The following TNR variants were observed in gnomAD, a reference collection of about 807,000 sequenced individuals.
TNR encodes the protein tenascin R, also known as tenascin-R.
In TNR, 45 loss-of-function variants were observed where a neutral mutation model predicts 150.4. The observed-to-expected ratio is 0.30, with a 90% CI of 0.24 to 0.38. The LOEUF (loss-of-function observed/expected upper bound fraction) is 0.38. Among genes scored for constraint, TNR ranks in the 10% least tolerant of loss-of-function variants. The pLI, the probability that TNR is intolerant of heterozygous loss-of-function variation, is 1.00. For missense variants in TNR, 1,544 were observed against 1,759.1 expected, an observed-to-expected ratio of 0.88 and a Z score of 2.19; for synonymous variants, 687 against 678.4, an observed-to-expected ratio of 1.01 and a Z score of -0.20.
intron 1 of TNR, among the ~76,000 whole-genome samples, chr1:175,552,454 T>C (rs576493820): frequency 6.6e-6 from 1 of 152,346 alleles, no homozygotes; most frequent in Non-Finnish European, 1.5e-5. Flanking sequence ...CTTGCACATA[T>C]GTTATCTCGT....
intron 1 of TNR, among the ~76,000 whole-genome samples, chr1:175,531,364 A>G (rs1414726851): frequency 6.6e-6 from 1 of 152,334 alleles, no homozygotes; most frequent in African/African-American, 2.4e-5. Flanking sequence ...GCCTTATCTT[A>G]AGATAGATTC....
At chr1:175,719,333 A>G (rs550532014) in intron 1 of TNR, among the ~76,000 whole-genome samples, 38 of 152,232 alleles carry the variant, frequency 2.5e-4, no homozygotes, top group African/African-American at 9.1e-4. Flanking sequence ...CCCCTCCCCC[A>G]TCCACACACT....
At chr1:175,580,943 G>A (rs979391739) in intron 1 of TNR, among the ~76,000 whole-genome samples, 1 of 152,090 alleles carries the variant, frequency 6.6e-6, no homozygotes, top group African/African-American at 2.4e-5. Flanking sequence ...GTGGGGGATG[G>A]GGGTCTCTGC....
chr1:175,422,238 C>T (rs1247481258), intron 2 of TNR, among the ~76,000 whole-genome samples: 1 of 152,236 alleles, frequency 6.6e-6, no homozygotes. Flanking sequence ...CTTGTTTTTA[C>T]ACTTATCACA....
chr1:175,345,109 A>C (rs182159862), intron 18 of TNR, among the ~76,000 whole-genome samples: 10 of 152,290 alleles, frequency 6.6e-5, no homozygotes, highest in Admixed American at 3.9e-4. Flanking sequence ...CTCTGTCAAA[A>C]AAACAAACAA....
Position 175,720,146 on chromosome 1 carries a change from C to T in TNR, c.-165+23080G>A, listed in dbSNP as rs181647437. Among the ~76,000 whole-genome samples the T allele has an allele frequency of 4.1e-3, 629 of 152,264 alleles. 7 individuals carry two copies. The highest frequency in any genetic ancestry group is 8.0e-3 in the Admixed American group (122 of 15,296). On this transcript the variant is annotated intron_variant, in intron 1 of 22. Transcript: ENST00000367674. ...CAGTGTGACAATTTGGAGATAGGGT[C>T]CTTATGGAAGTAATTAAGGTTAAAT...
At chr1:175,701,889 A>G (rs1666707935) in intron 1 of TNR, among the ~76,000 whole-genome samples, 1 of 152,070 alleles carries the variant, frequency 6.6e-6, no homozygotes, top group African/African-American at 2.4e-5. Flanking sequence ...TATAAGAAGA[A>G]CCAATTAGAG....
rs775039487 is a variant in TNR, at chr1:175,346,008, G to A, written c.3383-8329C>T. Among the ~76,000 whole-genome samples the A allele has an allele frequency of 3.5e-4, 53 of 152,278 alleles. 1 individual carries two copies. Among genetic ancestry groups the A allele is most frequent in the Middle Eastern group, 6.8e-3 (2 of 294 alleles). ...TTCTCAATGGCAACACTGCATTTGA[G>A]AAGATAATGGAATAGTATTTTTAAA... On this transcript the variant is annotated intron_variant, in intron 18 of 22. Coordinates refer to ENST00000367674, the MANE Select transcript of TNR (RefSeq NM_003285.3).
intron 1 of TNR, among the ~76,000 whole-genome samples, chr1:175,631,487 AT>A (rs997705252): frequency 5.3e-5 from 8 of 151,178 alleles, no homozygotes; most frequent in Non-Finnish European, 1.0e-4. Flanking sequence ...TTCTTTGGTG[AT>A]TTTTTTTTAG....
intron 1 of TNR, among the ~76,000 whole-genome samples, chr1:175,737,129 T>A (rs959479192): frequency 1.3e-5 from 2 of 152,226 alleles, no homozygotes; most frequent in South Asian, 4.1e-4. Flanking sequence ...ACCTACTAGC[T>A]GTGTGGCCTT....
intron 1 of TNR, among the ~76,000 whole-genome samples, chr1:175,552,203 C>A (rs1339534502): frequency 6.6e-6 from 1 of 152,202 alleles, no homozygotes; most frequent in Non-Finnish European, 1.5e-5. Flanking sequence ...CTAATTTACA[C>A]AGTACCTTGA....
At chr1:175,330,358 T>A in intron 20 of TNR, 123 bp from the exon 21 acceptor site, 1 of 1,039,222 alleles carries the variant, frequency 9.6e-7, no homozygotes, top group Non-Finnish European at 1.3e-6. Flanking sequence ...AGATTGCTTT[T>A]GCTCTTGGTG....
chr1:175,518,173 G>A (rs1486839524), intron 2 of TNR, among the ~76,000 whole-genome samples: 1 of 152,174 alleles, frequency 6.6e-6, no homozygotes, highest in Non-Finnish European at 1.5e-5. Flanking sequence ...CTGTAATCAT[G>A]TGTATTGTCA....
At chr1:175,578,442 G>C (rs1191290049) in intron 1 of TNR, among the ~76,000 whole-genome samples, 1 of 152,184 alleles carries the variant, frequency 6.6e-6, no homozygotes, top group East Asian at 1.9e-4. Flanking sequence ...TGGATGAAAA[G>C]GGGCTGTAAA....
chr1:175,627,825 A>G (rs1253143737), intron 1 of TNR, among the ~76,000 whole-genome samples: 1 of 152,226 alleles, frequency 6.6e-6, no homozygotes, highest in African/African-American at 2.4e-5. Context: ...GAGAGAGCTC[A>G]AGAGAGCTGT....
rs1458310014 is a variant in TNR, at chr1:175,367,274, C to T, written c.1987G>A (p.Gly663Arg). The T allele has an allele frequency of 1.2e-6, 2 of 1,614,150 alleles. No homozygotes were observed. Among genetic ancestry groups the T allele is most frequent in the South Asian group, 1.1e-5 (1 of 91,080 alleles). Residue 663 changes from glycine (G) to arginine (R), a missense_variant, in exon 10 of 23, where the codon GGA becomes AGA. Gly to Arg is a moderately radical substitution (Grantham distance 125). Coordinates refer to ENST00000367674, the MANE Select transcript of TNR (RefSeq NM_003285.3). ...LTDLVPGTEYGVGISAVMNSQ... is the reference protein window; with the variant it reads ...LTDLVPGTEYRVGISAVMNSQ... ...TTCATGACGGCAGATATTCCAACTC[C>T]ATACTCAGTGCCAGGTACCAGATCT...
intron 4 of TNR, among the ~76,000 whole-genome samples, chr1:175,398,490 T>C (rs1653543190): frequency 6.6e-6 from 1 of 152,226 alleles, no homozygotes; most frequent in Admixed American, 6.5e-5. Context: ...TGGGACAACC[T>C]ATATAACACA....
chr1:175,365,820 C>T (rs2102014078), intron 11 of TNR, 55 bp downstream of exon 11: 1 of 1,568,760 alleles, frequency 6.4e-7, no homozygotes, highest in East Asian at 2.3e-5. Context: ...ATGAATTTCT[C>T]ACACTGAGAT....
At chr1:175,349,821 C>T (rs1373837704) in intron 18 of TNR, among the ~76,000 whole-genome samples, 3 of 152,214 alleles carry the variant, frequency 2.0e-5, no homozygotes, top group Non-Finnish European at 2.9e-5. Context: ...TAGTGCCCTA[C>T]CTCCTTCTCC....
Sources: gnomAD v4.1 joint callset for allele counts (sites outside exome capture counted in the v4.1 genomes callset) on GRCh38, gnomAD v4.1.1 for gene constraint, MANE v1.5 for transcripts, NCBI Gene and HGNC (gene_info 2026-07-23, HGNC 2026-07-21) for gene names.